Variants in ABCF3 observed in about 807,000 individuals in gnomAD.
ABCF3 encodes ATP-binding cassette sub-family F member 3.
Under a neutral mutation model 94.3 loss-of-function variants are expected in ABCF3, and 62 were observed. The ratio of observed to expected loss-of-function variants is 0.66; its 90% CI spans 0.54 to 0.81. The LOEUF is 0.81. Among genes scored for constraint, ABCF3 ranks in the 40% least tolerant of loss-of-function variants. ABCF3 has a pLI of 0.00. For missense variants in ABCF3, 843 were observed against 925.3 expected, an observed-to-expected ratio of 0.91 and a Z score of 1.15; for synonymous variants, 355 against 361.1, an observed-to-expected ratio of 0.98 and a Z score of 0.19.
At chr3:184,189,530 C>T (rs751270842) in intron 12 of ABCF3, 27 bp from the exon 13 acceptor site, 13 of 1,613,870 alleles carry the variant, frequency 8.1e-6, no homozygotes, top group East Asian at 4.5e-5. Flanking sequence ...CCTCCCAAAC[C>T]GGGCCTGCTG....
chr3:184,188,626 A>G (rs1715804366), intron 7 of ABCF3, 135 bp from the exon 8 acceptor site: 1 of 1,041,402 alleles, frequency 9.6e-7, no homozygotes, highest in Admixed American at 2.6e-5. Flanking sequence ...GGTAATGAGC[A>G]CTGTGCAAAC....
chr3:184,186,517 C>T lies in ABCF3; in HGVS notation c.84C>T (p.His28=). 1 of 1,611,574 alleles carries T rather than the reference C, an allele frequency of 6.2e-7. No homozygotes were observed. Among genetic ancestry groups the T allele is most frequent in the Non-Finnish European group, 8.5e-7 (1 of 1,178,574 alleles). ...QVFDYVTGVL[H]SGSADFESVD... is the part of the protein sequence containing the mutation. ...CCACGCCCTGCCCAGGCGTCTTGCA[C>T]AGCGGCAGCGCGGACTTCGAGTCTG... is the stretch of plus-strand genomic sequence containing the variant. The change falls in exon 2 of 21, where the codon CAC becomes CAT. Residue 28 remains histidine, a synonymous_variant. Transcript: ENST00000429586.
chr3:184,188,023 T>C (rs1291625068), intron 6 of ABCF3, 40 bp downstream of exon 6: 1 of 1,613,562 alleles, frequency 6.2e-7, no homozygotes, highest in Non-Finnish European at 8.5e-7. Context: ...TTTCTTTTTC[T>C]AATTAGAGGA....
chr3:184,186,353 C>G, intron 1 of ABCF3, 73 bp downstream of exon 1: 1 of 1,603,260 alleles, frequency 6.2e-7, no homozygotes, highest in Non-Finnish European at 8.5e-7. Context: ...GAGCGTCGTG[C>G]CCGGGACTGT....
intron 1 of ABCF3, 41 bp from the exon 2 acceptor site, chr3:184,186,466 C>T: frequency 6.3e-7 from 1 of 1,591,292 alleles, no homozygotes; most frequent in Non-Finnish European, 8.6e-7. Context: ...TGTGTGTCCA[C>T]CCTACCCGAT....
At chr3:184,187,210 C>T in intron 3 of ABCF3, 187 bp from the exon 4 acceptor site, 2 of 730,780 alleles carry the variant, frequency 2.7e-6, no homozygotes, top group Non-Finnish European at 4.7e-6. Flanking sequence ...CTGTATCCTT[C>T]TACGTGAGTT....
Position 184,193,628 on chromosome 3 carries a change from G to C in ABCF3, c.2060G>C (p.Arg687Pro). 1 of 1,614,114 alleles carries C rather than the reference G, an allele frequency of 6.2e-7. No individual in the cohort carries two copies. The highest frequency in any genetic ancestry group is 8.5e-7 in the Non-Finnish European group (1 of 1,179,990). ...GTATGCGAAGGAGGCGGCGTCACCC[G>C]TGTGGAAGGAGGATTTGACCAGTAC... ...LWVCEGGGVTRVEGGFDQYRA... is the reference protein window; with the variant it reads ...LWVCEGGGVTPVEGGFDQYRA... Residue 687 changes from arginine (R) to proline (P), a missense_variant, in exon 21 of 21, where the codon CGT (arginine) becomes CCT (proline). Arg to Pro is a moderately radical substitution (Grantham distance 103). Transcript: ENST00000429586. The surrounding 1 kb of genome is among the most constrained non-coding windows in gnomAD (Gnocchi z 5.2).
rs1015780214 is a variant in ABCF3, at chr3:184,187,044, A to T, written c.301+169A>T. The T allele has an allele frequency of 2.7e-5, 19 of 708,714 alleles. No individual in the cohort carries two copies. In the Middle Eastern group the frequency reaches 1.2e-3, roughly 45 times the overall value. The allele number at this position is 708,714 out of a possible 1,614,324, so 43.9% of individuals were successfully genotyped here. A position where few individuals can be genotyped will look rare whatever the true frequency, so the allele number is the denominator to read the frequency against. ...AGAGCCCATGATGGGGGTGGGGAGG[A>T]GGTTGGAGGGTTCTCCCTCCAAGCT... On this transcript the variant is annotated intron_variant, in intron 3 of 20. Transcript: ENST00000429586.
chr3:184,193,093 C>A lies in ABCF3; in HGVS notation c.1751-9C>A. The A allele has an allele frequency of 2.6e-6, 4 of 1,534,618 alleles. No homozygotes were observed. The highest frequency in any genetic ancestry group is 3.5e-6 in the Non-Finnish European group (4 of 1,142,264). On this transcript the variant is annotated splice_polypyrimidine_tract_variant and intron_variant, in intron 18 of 20. Coordinates refer to ENST00000429586, the MANE Select transcript of ABCF3 (RefSeq NM_018358.3). The surrounding 1 kb of genome is among the most constrained non-coding windows in gnomAD (Gnocchi z 5.2). Reference sequence around the variant, plus strand: ...AAGAAGCCACCTGATCTGGGGAGTCCTTTTCCAGGGCGGCCTGAGGAGGAG... The same window carrying A: ...AAGAAGCCACCTGATCTGGGGAGTCATTTTCCAGGGCGGCCTGAGGAGGAG...
chr3:184,190,294 A>G (rs954429998), intron 14 of ABCF3: 6 of 297,026 alleles, frequency 2.0e-5, no homozygotes, highest in Non-Finnish European at 3.2e-5. Context: ...GTGGCTGGAT[A>G]ATATTCTGTT....
In ABCF3 at chr3:184,189,281, A is replaced by C. The variant is rs575121292; in HGVS notation, c.1057+4A>C. 5.0e-6 allele frequency: 8 copies of C among 1,614,046 alleles called. No homozygotes were observed. The African/African-American group carries it at 8.0e-5, about 16-fold the overall frequency. On this transcript the variant is annotated splice_donor_region_variant and intron_variant, in intron 11 of 20. Transcript: ENST00000429586. ...CCAGATCTTCTGCTGTTAGATGGTG[A>C]GTTTGAAATGGGGCACCCTGACTTT...
chr3:184,189,564 C>A lies in ABCF3; in HGVS notation c.1121C>A (p.Pro374His). The A allele has an allele frequency of 6.2e-7, 1 of 1,614,144 alleles. No individual in the cohort carries two copies. Among genetic ancestry groups the A allele is most frequent in the Non-Finnish European group, 8.5e-7 (1 of 1,180,034 alleles). ...LWLENYLQTW[P>H]STILVVSHDR... ...TGTCCTGTGACCCCTCAGACGTGGC[C>A]CTCCACCATCCTAGTCGTCTCCCAC... is the stretch of plus-strand genomic sequence containing the variant. Residue 374 changes from proline (P) to histidine (H), a missense_variant, in exon 13 of 21, where the codon CCC becomes CAC. Pro to His is a moderately conservative substitution (Grantham distance 77). Coordinates refer to ENST00000429586, the MANE Select transcript of ABCF3 (RefSeq NM_018358.3).
Position 184,189,537 on chromosome 3 carries a change from G to A in ABCF3, c.1114-20G>A, listed in dbSNP as rs756054373. The A allele has an allele frequency of 1.1e-5, 18 of 1,613,814 alleles. No homozygotes were observed. The highest frequency in any genetic ancestry group is 1.4e-5 in the Non-Finnish European group (16 of 1,180,016). ...CTGACTGCCCTCCCAAACCGGGCCTGCTGTCCTGTGACCCCTCAGACGTGG... is the reference window on the plus strand; with the variant it reads ...CTGACTGCCCTCCCAAACCGGGCCTACTGTCCTGTGACCCCTCAGACGTGG... On this transcript the variant is annotated intron_variant, in intron 12 of 20. Coordinates refer to ENST00000429586, the MANE Select transcript of ABCF3 (RefSeq NM_018358.3).
rs766012470 is a variant in ABCF3 at position 184,188,298 on chromosome 3, G to C, written c.727G>C (p.Val243Leu). ...TTCCCTGCTGCACGTTGAGCAAGAG[G>C]TTGCTGGAGATGACACTCCTGCCCT... ...HISLLHVEQE[V>L]AGDDTPALQS... The change falls in exon 7 of 21, where the codon GTT becomes CTT. Residue 243 changes from valine to leucine, a missense_variant. Physicochemically the swap from Val to Leu is conservative, Grantham distance 32. Coordinates refer to ENST00000429586, the MANE Select transcript of ABCF3 (RefSeq NM_018358.3). The C allele has an allele frequency of 4.3e-6, 7 of 1,614,154 alleles. No individual in the cohort carries two copies. In the East Asian group the frequency reaches 1.3e-4, roughly 31 times the overall value.
Position 184,188,305 on chromosome 3 carries a change from G to A in ABCF3, c.734G>A (p.Gly245Glu). 6.2e-7 allele frequency: 1 copy of A among 1,614,152 alleles called. No homozygotes were observed. Among genetic ancestry groups the A allele is most frequent in the Non-Finnish European group, 8.5e-7 (1 of 1,180,038 alleles). Residue 245 changes from glycine to glutamate, a missense_variant, in exon 7 of 21, where the codon GGA (glycine) becomes GAA (glutamate). Transcript: ENST00000429586. ...CTGCACGTTGAGCAAGAGGTTGCTGGAGATGACACTCCTGCCCTGCAGAGT... is the reference window on the plus strand; with the variant it reads ...CTGCACGTTGAGCAAGAGGTTGCTGAAGATGACACTCCTGCCCTGCAGAGT... ...SLLHVEQEVA[G>E]DDTPALQSVL...
chr3:184,189,385 C>T lies in ABCF3; in HGVS notation c.1058-3C>T. 1 of 1,614,184 alleles carries T rather than the reference C, an allele frequency of 6.2e-7. No individual in the cohort carries two copies. ...CCAAGTGTGTGCTCCCCTGCTTCTC[C>T]AGAACCTACAAACATGCTGGATGTC... is the stretch of plus-strand genomic sequence containing the variant. On this transcript the variant is annotated splice_region_variant and splice_polypyrimidine_tract_variant and intron_variant, in intron 11 of 20. Transcript: ENST00000429586.
At position 184,193,842 on chromosome 3, in the gene ABCF3, G is replaced by A; in HGVS notation, c.*144G>A. ...AAATGTCTCTATCCTTTTGACTGGAGCATCTTCTGCACAACCTTGGGAGCC... is the reference window on the plus strand; with the variant it reads ...AAATGTCTCTATCCTTTTGACTGGAACATCTTCTGCACAACCTTGGGAGCC... On this transcript the variant is annotated 3_prime_UTR_variant, in exon 21 of 21. Transcript: ENST00000429586. This position sits in a 1 kb window ranked among gnomAD's most constrained non-coding sequence, Gnocchi z 5.2. 2 of 1,073,474 alleles carry A rather than the reference G, an allele frequency of 1.9e-6. No individual in the cohort carries two copies. The highest frequency in any genetic ancestry group is 1.6e-5 in the African/African-American group (1 of 62,644). 66.5% of individuals were successfully genotyped at this position (1,073,474 alleles called of 1,614,324 possible). A position where few individuals can be genotyped will look rare whatever the true frequency, so the allele number is the denominator to read the frequency against.
chr3:184,190,367 G>T (rs1482739133), intron 14 of ABCF3: 3 of 196,498 alleles, frequency 1.5e-5, no homozygotes, highest in Non-Finnish European at 3.2e-5. Context: ...TTTCCATTTT[G>T]GTTATTATGA....
intron 16 of ABCF3, among the ~76,000 whole-genome samples, chr3:184,191,749 C>CTTTT (rs375009324): frequency 0.25 from 28,334 of 114,520 alleles, 5,679 homozygotes; most frequent in East Asian, 0.58. Context: ...GTTAGAGTTC[C>CTTTT]TTTTTTTTTT....
Sources: gnomAD v4.1 joint callset for allele counts (sites outside exome capture counted in the v4.1 genomes callset) on GRCh38, gnomAD v4.1.1 for gene constraint, Gnocchi (gnomAD v3.1) non-coding constraint, MANE v1.5 for transcripts, NCBI Gene and HGNC (gene_info 2026-07-23, HGNC 2026-07-21) for gene names.